MAF: variants seen among roughly 807,000 people sequenced by gnomAD.
The protein encoded by MAF is MAF bZIP transcription factor, also known as transcription factor Maf.
In MAF, 10 loss-of-function variants were observed where a neutral mutation model predicts 22.0. The observed-to-expected ratio is 0.45, with a 90% CI of 0.28 to 0.77. The LOEUF is 0.77. Among genes scored for constraint, MAF ranks in the 30% least tolerant of loss-of-function variants. MAF has a pLI of 0.12. For synonymous variants in MAF, 337 were observed against 255.8 expected (o/e 1.32, Z -3.03); for missense variants, 544 against 548.4 (o/e 0.99, Z 0.08).
the MAF span, among the ~76,000 whole-genome samples, chr16:79,508,982 T>G: frequency 1.3e-5 from 2 of 152,170 alleles, no homozygotes; most frequent in South Asian, 4.1e-4. Flanking sequence ...GCCAACAAAT[T>G]GTATACTTTA....
At chr16:79,364,029 G>C in the MAF span, among the ~76,000 whole-genome samples, 2 of 152,130 alleles carry the variant, frequency 1.3e-5, no homozygotes, top group African/African-American at 4.8e-5. Context: ...CAACTCAAAG[G>C]CAACTTCCTT....
the MAF span, among the ~76,000 whole-genome samples, chr16:79,321,351 A>T: frequency 2.6e-5 from 4 of 152,216 alleles, no homozygotes; most frequent in Non-Finnish European, 5.9e-5. Flanking sequence ...TGCCCAGTTA[A>T]ATTTGAATTT....
chr16:79,443,884 G>A, the MAF span, among the ~76,000 whole-genome samples: 3,573 of 151,672 alleles, frequency 0.024, 80 homozygotes, highest in East Asian at 0.12. Flanking sequence ...AATATGTCCC[G>A]CAAATGGTAA....
At chr16:79,234,865 G>A in the MAF span, among the ~76,000 whole-genome samples, 1 of 152,068 alleles carries the variant, frequency 6.6e-6, no homozygotes, top group Non-Finnish European at 1.5e-5. Context: ...CAGTGGGATA[G>A]GAGCAGACCC....
At chr16:79,593,175 G>A (rs1276334574), downstream of MAF, among the ~76,000 whole-genome samples, 3 of 152,196 alleles carry the variant, frequency 2.0e-5, no homozygotes, top group Non-Finnish European at 4.4e-5. Flanking sequence ...GTAGACTGGA[G>A]GAGTGTATTT....
At chr16:79,595,213 T>G (rs1039360265) in intron 1 of MAF, 2 of 1,043,172 alleles carry the variant, frequency 1.9e-6, no homozygotes, top group African/African-American at 3.3e-5. Context: ...AGACTTTTGT[T>G]AAGCAAAATT....
At chr16:79,528,913 A>G in the MAF span, among the ~76,000 whole-genome samples, 4 of 152,214 alleles carry the variant, frequency 2.6e-5, no homozygotes, top group Non-Finnish European at 5.9e-5. Context: ...GCAGTTGATG[A>G]CCCGGTGCAA....
chr16:79,331,818 C>A, the MAF span, among the ~76,000 whole-genome samples: 1 of 152,172 alleles, frequency 6.6e-6, no homozygotes, highest in Non-Finnish European at 1.5e-5. Context: ...ATCCCTTTTG[C>A]CTAGAATGCT....
At chr16:79,380,821 T>C in the MAF span, among the ~76,000 whole-genome samples, 1 of 152,154 alleles carries the variant, frequency 6.6e-6, no homozygotes, top group African/African-American at 2.4e-5. Flanking sequence ...CCTACAGCTG[T>C]GGTATTACTC....
At chr16:79,209,320 C>T in the MAF span, among the ~76,000 whole-genome samples, 1 of 152,148 alleles carries the variant, frequency 6.6e-6, no homozygotes, top group Non-Finnish European at 1.5e-5. Context: ...AATACCATTC[C>T]AGTAATGCAA....
chr16:79,469,857 A>G, the MAF span, among the ~76,000 whole-genome samples: 7 of 152,126 alleles, frequency 4.6e-5, no homozygotes, highest in African/African-American at 1.7e-4. Flanking sequence ...GGCCTCCCAA[A>G]GTGCTGAGAT....
the MAF span, among the ~76,000 whole-genome samples, chr16:79,287,019 C>A: frequency 0.14 from 20,827 of 152,142 alleles, 1,461 homozygotes; most frequent in Middle Eastern, 0.21. Flanking sequence ...GCGTCCCCTT[C>A]GCGTTATGTC....
At chr16:79,435,583 G>A in the MAF span, among the ~76,000 whole-genome samples, 55 of 152,286 alleles carry the variant, frequency 3.6e-4, no homozygotes, top group South Asian at 0.011. Context: ...AGGGGAAACT[G>A]AGGCTCAGGA....
chr16:79,547,767 G>T, the MAF span, among the ~76,000 whole-genome samples: 1 of 152,080 alleles, frequency 6.6e-6, no homozygotes, highest in Non-Finnish European at 1.5e-5. Context: ...GACATCACAT[G>T]AAAATAAGTC....
the MAF span, among the ~76,000 whole-genome samples, chr16:79,387,886 T>C: frequency 6.6e-6 from 1 of 152,320 alleles, no homozygotes; most frequent in East Asian, 1.9e-4. Context: ...ATTAAACTCA[T>C]TGAGGGCAGA....
At chr16:79,255,964 T>C in the MAF span, among the ~76,000 whole-genome samples, 2 of 147,794 alleles carry the variant, frequency 1.4e-5, no homozygotes, top group African/African-American at 5.0e-5. Flanking sequence ...TCTTTTCTTT[T>C]CTTTTTTCTT....
the MAF span, among the ~76,000 whole-genome samples, chr16:79,506,632 AT>A: frequency 2.0e-5 from 3 of 152,160 alleles, no homozygotes; most frequent in Admixed American, 6.5e-5. Context: ...CAGAGGCAGT[AT>A]TTTACTTTTC....
the MAF span, among the ~76,000 whole-genome samples, chr16:79,247,882 G>A: frequency 6.6e-6 from 1 of 152,070 alleles, no homozygotes; most frequent in African/African-American, 2.4e-5. Context: ...AATAGCCATT[G>A]CCTGTAAAAT....
the MAF span, among the ~76,000 whole-genome samples, chr16:79,534,027 T>G: frequency 1.3e-5 from 2 of 152,106 alleles, no homozygotes; most frequent in East Asian, 3.9e-4. Flanking sequence ...TACTACAAGC[T>G]CATCTTACAA....
Sources: allele counts gnomAD v4.1 joint callset (sites outside exome capture counted in the v4.1 genomes callset), GRCh38; gene constraint gnomAD v4.1.1; transcripts MANE v1.5; gene names NCBI Gene and HGNC (gene_info 2026-07-23, HGNC 2026-07-21).